The following RERG variants were observed in gnomAD, a reference collection of about 807,000 sequenced individuals.
RERG encodes ras-related and estrogen-regulated growth inhibitor.
In RERG, 25 loss-of-function variants were observed where a neutral mutation model predicts 23.2. The observed-to-expected ratio is 1.08, with a 90% CI of 0.79 to 1.50. The LOEUF (loss-of-function observed/expected upper bound fraction) is 1.50. Ranked by LOEUF, RERG falls within the 40% of genes most tolerant of loss-of-function variation. The pLI is 0.00. For missense variants in RERG, 253 were observed against 250.1 expected (o/e 1.01, Z -0.08); for synonymous variants, 81 against 89.1 (o/e 0.91, Z 0.51).
intron 2 of RERG, among the ~76,000 whole-genome samples, chr12:15,158,724 G>A (rs1864559749): frequency 6.6e-6 from 1 of 152,122 alleles, no homozygotes; most frequent in African/African-American, 2.4e-5. Flanking sequence ...TTCGGATTAG[G>A]TATTTTGGGG....
In RERG at chr12:15,114,781, A is replaced by G. The variant is rs535330486; in HGVS notation, c.119-3364T>C. The G allele has an allele frequency of 1.4e-4, 22 of 152,352 alleles. 1 individual carries two copies. The East Asian group carries it at 4.2e-3, about 29-fold the overall frequency. 9.4% of individuals were successfully genotyped at this position (152,352 alleles called of 1,614,324 possible). On this transcript the variant is annotated intron_variant, in intron 3 of 4. Coordinates refer to ENST00000256953, the MANE Select transcript of RERG (RefSeq NM_032918.3). ...GGTCTCAAAGTGTAGTGCCTGAACC[A>G]GTAACATCTGGCTCACCTAGGAACT...
chr12:15,216,126 T>C (rs974612915), intron 2 of RERG, among the ~76,000 whole-genome samples: 1 of 152,164 alleles, frequency 6.6e-6, no homozygotes, highest in African/African-American at 2.4e-5. Flanking sequence ...CATCCTCCAC[T>C]CACAGGAATC....
At position 15,176,624 on chromosome 12, in the gene RERG, G is replaced by A. The variant is rs1005368336; in HGVS notation, c.61+40805C>T. Reference sequence around the variant, plus strand: ...ACTTGAAGCAAGACACGAGATAATAGAAATTGCAAGATAAATGCTGAACAG... The same window carrying A: ...ACTTGAAGCAAGACACGAGATAATAAAAATTGCAAGATAAATGCTGAACAG... On this transcript the variant is annotated intron_variant, in intron 2 of 4. Coordinates refer to ENST00000256953, the MANE Select transcript of RERG (RefSeq NM_032918.3). Among the ~76,000 whole-genome samples, 4 of 152,120 alleles carry A rather than the reference G, an allele frequency of 2.6e-5. No homozygotes were observed. In the South Asian group the frequency reaches 8.3e-4, roughly 31 times the overall value.
At chr12:15,198,291 C>T (rs894796581) in intron 2 of RERG, among the ~76,000 whole-genome samples, 22 of 152,164 alleles carry the variant, frequency 1.4e-4, no homozygotes, top group Non-Finnish European at 1.3e-4. Context: ...CAGGCCATGC[C>T]TAACCCAAGT....
chr12:15,210,021 T>C lies in RERG; in HGVS notation c.61+7408A>G, dbSNP rs868793711. ...TTACAATATAGCAACTCATTTTTCA[T>C]GGGATGGAAGAAATTATGTGTTTTT... On this transcript the variant is annotated intron_variant, in intron 2 of 4. Coordinates refer to ENST00000256953, the MANE Select transcript of RERG (RefSeq NM_032918.3). Among the ~76,000 whole-genome samples the C allele has an allele frequency of 6.6e-5, 10 of 152,310 alleles. No homozygotes were observed. In the South Asian group the frequency reaches 1.9e-3, roughly 28 times the overall value.
intron 1 of RERG, among the ~76,000 whole-genome samples, chr12:15,218,846 T>C (rs766618742): frequency 6.6e-6 from 1 of 152,084 alleles, no homozygotes; most frequent in Non-Finnish European, 1.5e-5. Flanking sequence ...TTTTTCATCA[T>C]GTGCATTGCC....
At chr12:15,166,049 C>T (rs1412911551) in intron 2 of RERG, among the ~76,000 whole-genome samples, 1 of 152,152 alleles carries the variant, frequency 6.6e-6, no homozygotes, top group Non-Finnish European at 1.5e-5. Context: ...ATTCAAAACC[C>T]TCATTTCCAT....
At chr12:15,135,580 C>G (rs1473001183) in intron 2 of RERG, among the ~76,000 whole-genome samples, 1 of 152,108 alleles carries the variant, frequency 6.6e-6, no homozygotes, top group African/African-American at 2.4e-5. Flanking sequence ...AAGTTCTCCT[C>G]TATCCCTAGT....
intron 2 of RERG, among the ~76,000 whole-genome samples, chr12:15,207,644 T>A (rs1865310017): frequency 6.6e-6 from 1 of 152,098 alleles, no homozygotes; most frequent in Admixed American, 6.5e-5. Context: ...TGATTCCAGG[T>A]CCACATTTCA....
chr12:15,157,563 C>T (rs191965422), intron 2 of RERG, among the ~76,000 whole-genome samples: 132 of 152,212 alleles, frequency 8.7e-4, no homozygotes, highest in South Asian at 1.7e-3. Context: ...CCAGAGTGTC[C>T]CATTTTCACT....
intron 2 of RERG, among the ~76,000 whole-genome samples, chr12:15,201,491 G>A (rs1164623143): frequency 6.6e-6 from 1 of 151,208 alleles, no homozygotes; most frequent in Non-Finnish European, 1.5e-5. Context: ...AAGTACCATG[G>A]CAATGGCTGG....
chr12:15,158,647 T>A (rs1864558493), intron 2 of RERG, among the ~76,000 whole-genome samples: 2 of 152,038 alleles, frequency 1.3e-5, no homozygotes, highest in Non-Finnish European at 2.9e-5. Flanking sequence ...TTTTGAAGAG[T>A]ACACAGTTTT....
At chr12:15,213,633 C>T (rs978168433) in intron 2 of RERG, among the ~76,000 whole-genome samples, 1 of 152,182 alleles carries the variant, frequency 6.6e-6, no homozygotes, top group Non-Finnish European at 1.5e-5. Flanking sequence ...CACACATGTG[C>T]GTGCACATAC....
chr12:15,126,934 G>A (rs962429839), intron 2 of RERG, among the ~76,000 whole-genome samples: 1 of 151,884 alleles, frequency 6.6e-6, no homozygotes, highest in Non-Finnish European at 1.5e-5. Context: ...TAGCCAGGAC[G>A]GTCTTGATCT....
At chr12:15,130,326 A>G (rs1245795744) in intron 2 of RERG, among the ~76,000 whole-genome samples, 2 of 152,178 alleles carry the variant, frequency 1.3e-5, no homozygotes, top group Non-Finnish European at 2.9e-5. Context: ...GTAGAAGAGG[A>G]CTTAACTTAT....
intron 3 of RERG, among the ~76,000 whole-genome samples, chr12:15,119,602 G>A (rs573896499): frequency 6.6e-6 from 1 of 151,866 alleles, no homozygotes; most frequent in Admixed American, 6.6e-5. Context: ...TTAAAAAATC[G>A]GGTGCATTTT....
intron 2 of RERG, among the ~76,000 whole-genome samples, chr12:15,135,107 G>A (rs549594367): frequency 5.3e-5 from 8 of 152,094 alleles, no homozygotes; most frequent in Non-Finnish European, 1.2e-4. Flanking sequence ...GAATTTTGTA[G>A]TTTTCCCCAT....
chr12:15,177,815 A>G (rs191816006), intron 2 of RERG, among the ~76,000 whole-genome samples: 3 of 147,072 alleles, frequency 2.0e-5, no homozygotes, highest in Admixed American at 6.8e-5. Context: ...ACTAAAATTG[A>G]TATCTCTCTG....
intron 2 of RERG, among the ~76,000 whole-genome samples, chr12:15,207,832 A>C (rs1865313433): frequency 6.6e-6 from 1 of 152,164 alleles, no homozygotes; most frequent in South Asian, 2.1e-4. Context: ...ATCATGCTCT[A>C]CGTGACACTG....
Sources: allele counts gnomAD v4.1 joint callset (sites outside exome capture counted in the v4.1 genomes callset), GRCh38; gene constraint gnomAD v4.1.1; transcripts MANE v1.5; gene names NCBI Gene and HGNC (gene_info 2026-07-23, HGNC 2026-07-21).